The following JAZF1 variants were observed in gnomAD, a reference collection of about 807,000 sequenced individuals.
JAZF1 encodes juxtaposed with another zinc finger protein 1.
In JAZF1, 8 loss-of-function variants were observed where a neutral mutation model predicts 26.4. The observed-to-expected ratio is 0.30, with a 90% CI of 0.18 to 0.55. The LOEUF is 0.55. Ranked by LOEUF, JAZF1 falls within the 20% of genes least tolerant of loss-of-function variation. The pLI, the probability that JAZF1 is intolerant of heterozygous loss-of-function variation, is 0.94. For missense variants in JAZF1, 199 were observed against 322.0 expected (o/e 0.62, Z 2.92); for synonymous variants, 126 against 122.3 (o/e 1.03, Z -0.20).
At chr7:27,998,960 G>C (rs556205419) in intron 1 of JAZF1, among the ~76,000 whole-genome samples, 3 of 152,276 alleles carry the variant, frequency 2.0e-5, no homozygotes, top group African/African-American at 7.2e-5. Flanking sequence ...ATGACTGCTT[G>C]AATTTTTCCC....
In JAZF1 at chr7:28,080,802, C is replaced by T. The variant is rs182366385; in HGVS notation, c.116-88821G>A. Reference sequence around the variant, plus strand: ...TTACAATAGTAAAGTCAAAGATGACCGATCACAGATCACAATGACAGATAC... The same window carrying T: ...TTACAATAGTAAAGTCAAAGATGACTGATCACAGATCACAATGACAGATAC... On this transcript the variant is annotated intron_variant, in intron 1 of 4. Transcript: ENST00000283928. Among the ~76,000 whole-genome samples, 393 of 151,968 alleles carry T rather than the reference C, an allele frequency of 2.6e-3. 1 individual carries two copies. Among genetic ancestry groups the T allele is most frequent in the Middle Eastern group, 6.8e-3 (2 of 294 alleles).
chr7:27,936,327 G>A (rs1321023291), intron 2 of JAZF1, among the ~76,000 whole-genome samples: 1 of 152,136 alleles, frequency 6.6e-6, no homozygotes, highest in Non-Finnish European at 1.5e-5. Flanking sequence ...TATTTTAACA[G>A]TTTCATCTAG....
At chr7:28,098,915 G>A (rs1451790163) in intron 1 of JAZF1, among the ~76,000 whole-genome samples, 3 of 152,172 alleles carry the variant, frequency 2.0e-5, no homozygotes, top group African/African-American at 7.2e-5. Context: ...CCAACTCCTA[G>A]TCTGGGATTA....
In JAZF1 at chr7:28,092,290, C is replaced by CCAAAAAAAAA. The variant is rs1784310777; in HGVS notation, c.115+88172_115+88173insTTTTTTTTTG. ...AACATCCCATTTCAGGGACAAAAGG[C>CCAAAAAAAAA]AAAAAAAAAAAAAAAAAAAAAAAAA... On this transcript the variant is annotated intron_variant, in intron 1 of 4. Coordinates refer to ENST00000283928, the MANE Select transcript of JAZF1 (RefSeq NM_175061.4). Among the ~76,000 whole-genome samples, 57 of 12,800 alleles carry CCAAAAAAAAA rather than the reference C, an allele frequency of 4.5e-3. 6 individuals are homozygous for CCAAAAAAAAA. Among genetic ancestry groups the CCAAAAAAAAA allele is most frequent in the African/African-American group, 0.011 (53 of 4,644 alleles). The allele number at this position is 12,800 out of a possible 152,430, so 8.4% of individuals were successfully genotyped here. A position where few individuals can be genotyped will look rare whatever the true frequency, so the allele number is the denominator to read the frequency against.
Position 28,007,072 on chromosome 7 carries a change from C to T in JAZF1, c.116-15091G>A, listed in dbSNP as rs529236619. Reference sequence around the variant, plus strand: ...CCACTCTTTAAGTGCTATCCAGCTACTGCAATGGGATGTCAACAGCCCCAT... The same window carrying T: ...CCACTCTTTAAGTGCTATCCAGCTATTGCAATGGGATGTCAACAGCCCCAT... On this transcript the variant is annotated intron_variant, in intron 1 of 4. Transcript: ENST00000283928. Among the ~76,000 whole-genome samples, 4 of 152,322 alleles carry T rather than the reference C, an allele frequency of 2.6e-5. No homozygotes were observed. In the East Asian group the frequency reaches 7.7e-4, roughly 29 times the overall value.
intron 3 of JAZF1, among the ~76,000 whole-genome samples, chr7:27,893,181 A>C (rs1321663984): frequency 1.3e-5 from 2 of 152,206 alleles, no homozygotes; most frequent in African/African-American, 4.8e-5. Flanking sequence ...AATTAAAGAA[A>C]TCCATTTAAC....
intron 4 of JAZF1, chr7:27,833,228 T>C: frequency 3.9e-6 from 1 of 254,966 alleles, no homozygotes; most frequent in Non-Finnish European, 7.4e-6. Context: ...AAGTACTGAT[T>C]TCTTCCAATT....
intron 2 of JAZF1, among the ~76,000 whole-genome samples, chr7:27,966,003 A>G (rs945798915): frequency 6.6e-6 from 1 of 152,248 alleles, no homozygotes; most frequent in Non-Finnish European, 1.5e-5. Context: ...ATGAATGTTC[A>G]AGCTGAAAGC....
intron 1 of JAZF1, among the ~76,000 whole-genome samples, chr7:28,040,516 G>A (rs951144376): frequency 2.0e-5 from 3 of 152,176 alleles, no homozygotes; most frequent in Non-Finnish European, 2.9e-5. Context: ...GCTACACAAA[G>A]TCTGGGGGTA....
chr7:27,892,382 G>C (rs1008043021), intron 3 of JAZF1, among the ~76,000 whole-genome samples: 4 of 152,198 alleles, frequency 2.6e-5, no homozygotes, highest in Non-Finnish European at 5.9e-5. Flanking sequence ...CTTTATGTCT[G>C]AAGGAAGGGA....
At chr7:28,149,396 T>A (rs951264622) in intron 1 of JAZF1, among the ~76,000 whole-genome samples, 30 of 152,098 alleles carry the variant, frequency 2.0e-4, no homozygotes, top group African/African-American at 7.0e-4. Flanking sequence ...TTTTTTTCCC[T>A]CTGAAGATCA....
chr7:28,085,724 G>C (rs75337469), intron 1 of JAZF1, among the ~76,000 whole-genome samples: 5 of 152,188 alleles, frequency 3.3e-5, no homozygotes, highest in African/African-American at 1.2e-4. Flanking sequence ...ATTAATCACA[G>C]AGCCATATTG....
rs371626863 is a variant in JAZF1 at position 28,133,993 on chromosome 7, T to C, written c.115+46470A>G. 2.6e-5 allele frequency among the ~76,000 whole-genome samples: 4 copies of C among 152,132 alleles called. No individual in the cohort carries two copies. In the South Asian group the frequency reaches 8.3e-4, roughly 32 times the overall value. On this transcript the variant is annotated intron_variant, in intron 1 of 4. Coordinates refer to ENST00000283928, the MANE Select transcript of JAZF1 (RefSeq NM_175061.4). The stretch of plus-strand genomic sequence containing the variant: ...TAGCACTTAGGCCTATAAGAAACAT[T>C]ATCTTGTTTATTTATTTATTCACTT...
rs182833498 is a variant in JAZF1 at position 27,883,452 on chromosome 7, G to A, written c.385+11768C>T. Among the ~76,000 whole-genome samples, 236 of 152,292 alleles carry A rather than the reference G, an allele frequency of 1.5e-3. 1 individual carries two copies. Among genetic ancestry groups the A allele is most frequent in the African/African-American group, 5.3e-3 (221 of 41,552 alleles). The stretch of plus-strand genomic sequence containing the variant: ...TCAGGTTTTTAACTAAATGTAAATG[G>A]TCAAGTGTGGTATAGGATCACTTTG... On this transcript the variant is annotated intron_variant, in intron 3 of 4. Coordinates refer to ENST00000283928, the MANE Select transcript of JAZF1 (RefSeq NM_175061.4).
chr7:27,883,789 A>G (rs1783811638), intron 3 of JAZF1, among the ~76,000 whole-genome samples: 1 of 152,202 alleles, frequency 6.6e-6, no homozygotes, highest in African/African-American at 2.4e-5. Context: ...CTGGACTGAG[A>G]GTTTGGCAAC....
chr7:27,874,448 C>A (rs534211599), intron 3 of JAZF1, among the ~76,000 whole-genome samples: 1 of 152,232 alleles, frequency 6.6e-6, no homozygotes, highest in Admixed American at 6.5e-5. Flanking sequence ...ATTCCTGGCC[C>A]AACGAGAGCA....
intron 3 of JAZF1, chr7:27,841,173 G>A: frequency 3.4e-6 from 1 of 294,314 alleles, no homozygotes; most frequent in Non-Finnish European, 6.3e-6. Flanking sequence ...AAGGCACAGG[G>A]AAGACTTGCT....
chr7:28,112,869 TG>T (rs1784684181), intron 1 of JAZF1, among the ~76,000 whole-genome samples: 1 of 152,220 alleles, frequency 6.6e-6, no homozygotes, highest in South Asian at 2.1e-4. Flanking sequence ...AACAGCCTGC[TG>T]ATAAACTTCC....
intron 2 of JAZF1, among the ~76,000 whole-genome samples, chr7:27,916,425 G>T (rs1209840282): frequency 1.3e-5 from 2 of 152,124 alleles, no homozygotes; most frequent in Non-Finnish European, 2.9e-5. Flanking sequence ...TTAGGTTCCT[G>T]CAAGCCTCTG....
Sources: allele counts gnomAD v4.1 joint callset (sites outside exome capture counted in the v4.1 genomes callset), GRCh38; gene constraint gnomAD v4.1.1; transcripts MANE v1.5; gene names NCBI Gene and HGNC (gene_info 2026-07-23, HGNC 2026-07-21).